The following MSRA variants were observed in gnomAD, a reference collection of about 807,000 sequenced individuals.
MSRA encodes the protein methionine sulfoxide reductase A, also known as mitochondrial peptide methionine sulfoxide reductase.
In MSRA, 54 loss-of-function variants were observed where a neutral mutation model predicts 31.3. That is an observed-to-expected ratio of 1.73 (90% CI 1.39 to 2.17). The LOEUF (loss-of-function observed/expected upper bound fraction) is 2.17. MSRA is among the 30% of genes most tolerant of loss of function. The probability of loss-of-function intolerance (pLI) is 0.00; values close to 1 mark genes in which losing one functional copy is unlikely to be tolerated. For missense variants in MSRA, 507 were observed against 300.9 expected (o/e 1.69, Z -5.07); for synonymous variants, 169 against 116.5 (o/e 1.45, Z -2.90).
chr8:10,104,269 T>G (rs1799727516), intron 1 of MSRA, among the ~76,000 whole-genome samples: 1 of 152,212 alleles, frequency 6.6e-6, no homozygotes. Flanking sequence ...CCCAAGTATT[T>G]GTAATGTGAA....
chr8:10,211,141 C>T (rs1179621058), intron 2 of MSRA, among the ~76,000 whole-genome samples: 3 of 152,084 alleles, frequency 2.0e-5, no homozygotes, highest in Non-Finnish European at 4.4e-5. Flanking sequence ...GACCATTGAA[C>T]TTCCATGAAG....
chr8:10,241,025 A>G (rs1427452093), intron 2 of MSRA, among the ~76,000 whole-genome samples: 1 of 152,016 alleles, frequency 6.6e-6, no homozygotes, highest in African/African-American at 2.4e-5. Flanking sequence ...CCCGATGTAC[A>G]ACTTCCTCTT....
chr8:10,282,911 C>A (rs1486901909), intron 3 of MSRA, among the ~76,000 whole-genome samples: 1 of 152,050 alleles, frequency 6.6e-6, no homozygotes, highest in African/African-American at 2.4e-5. Flanking sequence ...ATGTAATTAG[C>A]CTCCTTCCAC....
chr8:10,416,428 C>T (rs1808463458), intron 5 of MSRA, among the ~76,000 whole-genome samples: 1 of 152,208 alleles, frequency 6.6e-6, no homozygotes, highest in African/African-American at 2.4e-5. Flanking sequence ...TTCCATCGGG[C>T]CGTGGTGCTC....
intron 5 of MSRA, among the ~76,000 whole-genome samples, chr8:10,379,747 C>G (rs1805956206): frequency 6.6e-6 from 1 of 152,210 alleles, no homozygotes; most frequent in African/African-American, 2.4e-5. Flanking sequence ...ATGGCCAGGC[C>G]TAGGGTAACC....
chr8:10,090,341 G>A (rs1798793531), intron 1 of MSRA, among the ~76,000 whole-genome samples: 1 of 152,150 alleles, frequency 6.6e-6, no homozygotes, highest in Non-Finnish European at 1.5e-5. Context: ...TGGCTGGGAT[G>A]GAACCAAGAA....
intron 5 of MSRA, among the ~76,000 whole-genome samples, chr8:10,369,371 T>G (rs931643779): frequency 6.6e-6 from 1 of 152,178 alleles, no homozygotes; most frequent in Non-Finnish European, 1.5e-5. Context: ...CCCCTAATGG[T>G]TGAGTGCTTT....
At chr8:10,368,953 G>A (rs1805322360) in intron 5 of MSRA, among the ~76,000 whole-genome samples, 1 of 152,196 alleles carries the variant, frequency 6.6e-6, no homozygotes, top group Non-Finnish European at 1.5e-5. Context: ...TGAAATTCTT[G>A]TGGTTCTAGG....
intron 4 of MSRA, among the ~76,000 whole-genome samples, chr8:10,306,265 A>G (rs1372567038): frequency 6.6e-6 from 1 of 152,214 alleles, no homozygotes; most frequent in Non-Finnish European, 1.5e-5. Flanking sequence ...TAATGTCTAT[A>G]CTGCCGACTT....
chr8:10,397,786 C>A (rs546132206), intron 5 of MSRA, among the ~76,000 whole-genome samples: 2 of 152,296 alleles, frequency 1.3e-5, no homozygotes, highest in South Asian at 4.1e-4. Flanking sequence ...TTGGAGCTTT[C>A]TTTGAAGAAC....
At chr8:10,087,990 G>T (rs899001346) in intron 1 of MSRA, among the ~76,000 whole-genome samples, 4 of 152,108 alleles carry the variant, frequency 2.6e-5, no homozygotes, top group African/African-American at 4.8e-5. Context: ...GTTAATGCAG[G>T]GGTGATCTAG....
chr8:10,173,208 G>A (rs1055873329), intron 1 of MSRA, among the ~76,000 whole-genome samples: 2 of 152,222 alleles, frequency 1.3e-5, no homozygotes, highest in East Asian at 1.9e-4. Flanking sequence ...TAGCTTTACA[G>A]TGAGAAGGCG....
chr8:10,309,310 C>T (rs7818400), intron 4 of MSRA, among the ~76,000 whole-genome samples: 4,757 of 152,366 alleles, frequency 0.031, 218 homozygotes, highest in African/African-American at 0.095. Flanking sequence ...GGGGCGCACA[C>T]GGGCGCGGAG....
At chr8:10,327,466 AT>A (rs1802425996) in intron 5 of MSRA, among the ~76,000 whole-genome samples, 1 of 152,196 alleles carries the variant, frequency 6.6e-6, no homozygotes, top group Non-Finnish European at 1.5e-5. Context: ...TCCAGCTAGC[AT>A]TTTCAAAAAT....
chr8:10,290,596 G>A (rs148635713), intron 3 of MSRA, among the ~76,000 whole-genome samples: 18 of 152,244 alleles, frequency 1.2e-4, no homozygotes, highest in South Asian at 6.2e-4. Flanking sequence ...CTCCTGTATC[G>A]GAATTCCATT....
At chr8:10,191,878 G>A (rs1051580337) in intron 1 of MSRA, among the ~76,000 whole-genome samples, 1 of 151,882 alleles carries the variant, frequency 6.6e-6, no homozygotes. Flanking sequence ...CTAAAACTTA[G>A]CAGTTTAAAA....
intron 5 of MSRA, among the ~76,000 whole-genome samples, chr8:10,390,888 A>C (rs559429711): frequency 6.6e-6 from 1 of 151,818 alleles, no homozygotes; most frequent in East Asian, 2.0e-4. Flanking sequence ...AGGCAGGAGA[A>C]TGACGTGAAC....
At chr8:10,196,545 GTATT>G (rs1254978605) in intron 1 of MSRA, among the ~76,000 whole-genome samples, 4 of 151,912 alleles carry the variant, frequency 2.6e-5, no homozygotes, top group Non-Finnish European at 5.9e-5. Flanking sequence ...TCTAAAAAAT[GTATT>G]TATTTATTTT....
chr8:10,069,351 A>G (rs1797615978), intron 1 of MSRA, among the ~76,000 whole-genome samples: 1 of 152,226 alleles, frequency 6.6e-6, no homozygotes, highest in South Asian at 2.1e-4. Flanking sequence ...CTTAGTGGGA[A>G]AGCATCTAGT....
Sources: gnomAD v4.1 joint callset for allele counts (sites outside exome capture counted in the v4.1 genomes callset) on GRCh38, gnomAD v4.1.1 for gene constraint, MANE v1.5 for transcripts, NCBI Gene and HGNC (gene_info 2026-07-23, HGNC 2026-07-21) for gene names.